The following GRIA4 variants were observed in gnomAD, a reference collection of about 807,000 sequenced individuals.
GRIA4 encodes glutamate ionotropic receptor AMPA type subunit 4.
GRIA4 carries 34 observed loss-of-function variants against 104.0 expected under a neutral mutation model. The observed-to-expected ratio is 0.33, with a 90% CI of 0.25 to 0.44. The LOEUF is 0.44. Ranked by LOEUF, GRIA4 falls within the 20% of genes least tolerant of loss-of-function variation. GRIA4 has a pLI of 1.00. For missense variants in GRIA4, 750 were observed against 1,096.5 expected (o/e 0.68, Z 4.46); for synonymous variants, 386 against 381.9 (o/e 1.01, Z -0.13).
intron 5 of GRIA4, 189 bp downstream of exon 5, chr11:105,862,397 A>C (rs1945258619): frequency 3.8e-6 from 2 of 523,194 alleles, no homozygotes; most frequent in East Asian, 6.5e-5. Flanking sequence ...TTGGTTCTTA[A>C]GTCTCAATGT....
chr11:105,659,649 A>C (rs987845559), intron 3 of GRIA4, among the ~76,000 whole-genome samples: 1 of 151,872 alleles, frequency 6.6e-6, no homozygotes, highest in Non-Finnish European at 1.5e-5. Flanking sequence ...CTTGCACCCA[A>C]AAGCTCCTGA....
chr11:105,929,775 C>T (rs1434133115), intron 13 of GRIA4, among the ~76,000 whole-genome samples: 1 of 152,030 alleles, frequency 6.6e-6, no homozygotes, highest in Non-Finnish European at 1.5e-5. Context: ...AACTATAACA[C>T]ATGACATTTG....
At chr11:105,725,169 T>C (rs905270945) in intron 3 of GRIA4, among the ~76,000 whole-genome samples, 7 of 152,202 alleles carry the variant, frequency 4.6e-5, no homozygotes, top group African/African-American at 1.4e-4. Flanking sequence ...AATTCAAGCA[T>C]TGAAACAGTT....
In GRIA4 at chr11:105,683,838, G is replaced by A. The variant is rs550686447; in HGVS notation, c.248-69143G>A. On this transcript the variant is annotated intron_variant, in intron 3 of 16. Coordinates refer to ENST00000282499, the MANE Select transcript of GRIA4 (RefSeq NM_000829.4). The stretch of plus-strand genomic sequence containing the variant: ...TTAAAGTCGTAATGGAATTAAATGC[G>A]TAAAGCAGAAGATACAGAAGAAATA... Among the ~76,000 whole-genome samples, 26 of 152,164 alleles carry A rather than the reference G, an allele frequency of 1.7e-4. No individual in the cohort carries two copies. The South Asian group carries it at 1.9e-3, about 11-fold the overall frequency.
chr11:105,814,052 T>C (rs755996427), intron 4 of GRIA4, among the ~76,000 whole-genome samples: 21 of 152,088 alleles, frequency 1.4e-4, no homozygotes, highest in Non-Finnish European at 2.9e-4. Context: ...AAACAGCAAG[T>C]GCAAATGTGC....
intron 3 of GRIA4, among the ~76,000 whole-genome samples, chr11:105,670,614 T>A (rs1285841248): frequency 6.6e-6 from 1 of 152,160 alleles, no homozygotes; most frequent in African/African-American, 2.4e-5. Flanking sequence ...ATTGCATGCA[T>A]AAGTGTATTT....
At chr11:105,910,178 C>A (rs1947182683) in intron 9 of GRIA4, among the ~76,000 whole-genome samples, 1 of 152,066 alleles carries the variant, frequency 6.6e-6, no homozygotes, top group Non-Finnish European at 1.5e-5. Flanking sequence ...AATCACCATT[C>A]CCAATCTCTT....
rs867685216 is a variant in GRIA4, at chr11:105,893,770, C to T, written c.727-4499C>T. 4.6e-5 allele frequency among the ~76,000 whole-genome samples: 7 copies of T among 152,186 alleles called. 1 individual carries two copies. Among genetic ancestry groups the T allele is most frequent in the Admixed American group, 2.0e-4 (3 of 15,274 alleles). ...AAATAATAATGTCATCAATTAGCAA[C>T]TAATGCAATAGTTGAATTACTGTGG... On this transcript the variant is annotated intron_variant, in intron 6 of 16. Coordinates refer to ENST00000282499, the MANE Select transcript of GRIA4 (RefSeq NM_000829.4).
intron 10 of GRIA4, among the ~76,000 whole-genome samples, chr11:105,917,624 T>A (rs966317893): frequency 1.3e-5 from 2 of 152,116 alleles, no homozygotes; most frequent in Admixed American, 1.3e-4. Context: ...ATCTCAATAA[T>A]GTTGTAGCCA....
chr11:105,803,865 G>C (rs1038491484), intron 4 of GRIA4, among the ~76,000 whole-genome samples: 1 of 141,960 alleles, frequency 7.0e-6, no homozygotes, highest in Non-Finnish European at 1.5e-5. Flanking sequence ...AAAAAAAAGA[G>C]AGAGAGAGAG....
In GRIA4 at chr11:105,745,544, A is replaced by T. The variant is rs147516698; in HGVS notation, c.248-7437A>T. 9.5e-3 allele frequency among the ~76,000 whole-genome samples: 1,442 copies of T among 152,328 alleles called. 31 individuals carry two copies. The highest frequency in any genetic ancestry group is 0.033 in the African/African-American group (1,374 of 41,578). On this transcript the variant is annotated intron_variant, in intron 3 of 16. Coordinates refer to ENST00000282499, the MANE Select transcript of GRIA4 (RefSeq NM_000829.4). The stretch of plus-strand genomic sequence containing the variant: ...AGAAGAAGAAGAAACACAGAAATGC[A>T]GTTCTAAGCCAATATACCCAGAACA...
intron 9 of GRIA4, among the ~76,000 whole-genome samples, chr11:105,908,573 CTTTT>C (rs5794434): frequency 7.4e-6 from 1 of 135,902 alleles, no homozygotes. Flanking sequence ...ATGACTTTCT[CTTTT>C]TTTTTTTTTA....
chr11:105,661,439 A>AT, intron 3 of GRIA4, among the ~76,000 whole-genome samples: 1 of 151,654 alleles, frequency 6.6e-6, no homozygotes, highest in Non-Finnish European at 1.5e-5. Context: ...TGTAGCCCTT[A>AT]TTTGGATTTT....
chr11:105,954,518 T>C (rs1192204025), intron 14 of GRIA4, among the ~76,000 whole-genome samples: 1 of 152,202 alleles, frequency 6.6e-6, no homozygotes, highest in Non-Finnish European at 1.5e-5. Context: ...TGTTGTATTT[T>C]CTTTCATATT....
At chr11:105,619,838 A>G (rs920414103) in intron 3 of GRIA4, among the ~76,000 whole-genome samples, 3 of 151,826 alleles carry the variant, frequency 2.0e-5, no homozygotes, top group South Asian at 2.1e-4. Context: ...TTCATTCCCT[A>G]TCTTCATCAT....
chr11:105,670,502 C>A (rs923123761), intron 3 of GRIA4, among the ~76,000 whole-genome samples: 2 of 152,058 alleles, frequency 1.3e-5, no homozygotes, highest in African/African-American at 4.8e-5. Flanking sequence ...ATTTTAAGAC[C>A]AGTTCTACTT....
Position 105,789,898 on chromosome 11 carries a change from A to C in GRIA4, c.487+36678A>C, listed in dbSNP as rs577560336. 2.6e-5 allele frequency among the ~76,000 whole-genome samples: 4 copies of C among 152,328 alleles called. No homozygotes were observed. The East Asian group carries it at 7.7e-4, about 29-fold the overall frequency. ...GTGAAGTCATTGTGGTACTCTTAAC[A>C]GTCCTAAATGTCAATTTGAAGAATA... On this transcript the variant is annotated intron_variant, in intron 4 of 16. Coordinates refer to ENST00000282499, the MANE Select transcript of GRIA4 (RefSeq NM_000829.4).
intron 4 of GRIA4, among the ~76,000 whole-genome samples, chr11:105,801,039 T>G (rs912356906): frequency 6.6e-6 from 1 of 151,830 alleles, no homozygotes; most frequent in African/African-American, 2.4e-5. Context: ...TAGTAATTTA[T>G]CACAATAGAA....
At chr11:105,974,216 A>G (rs1254378382) in intron 15 of GRIA4, 94 bp from the exon 16 acceptor site, 4 of 1,232,146 alleles carry the variant, frequency 3.2e-6, no homozygotes, top group Admixed American at 2.1e-5. Context: ...TAAATTAAGC[A>G]TTTACTTTCA....
Sources: gnomAD v4.1 joint callset for allele counts (sites outside exome capture counted in the v4.1 genomes callset) on GRCh38, gnomAD v4.1.1 for gene constraint, MANE v1.5 for transcripts, NCBI Gene and HGNC (gene_info 2026-07-23, HGNC 2026-07-21) for gene names.